The following PLPPR1 variants were observed in gnomAD, a reference collection of about 807,000 sequenced individuals.
PLPPR1 encodes the protein phospholipid phosphatase-related protein type 1.
PLPPR1 carries 10 observed loss-of-function variants against 33.1 expected under a neutral mutation model. That is an observed-to-expected ratio of 0.30 (90% CI 0.19 to 0.51). The LOEUF is 0.51. PLPPR1 is among the 20% of genes least tolerant of loss of function. PLPPR1 has a pLI of 0.97. For synonymous variants in PLPPR1, 151 were observed against 151.0 expected (o/e 1.00, Z 0.00); for missense variants, 304 against 408.1 (o/e 0.74, Z 2.20).
chr9:101,087,308 A>AAATT (rs1830691051), intron 1 of PLPPR1, among the ~76,000 whole-genome samples: 1 of 152,222 alleles, frequency 6.6e-6, no homozygotes, highest in African/African-American at 2.4e-5. Flanking sequence ...TTAAGAAAGG[A>AAATT]AATTTTTAAT....
chr9:101,075,105 A>T (rs897554302), intron 1 of PLPPR1, among the ~76,000 whole-genome samples: 1 of 152,194 alleles, frequency 6.6e-6, no homozygotes, highest in African/African-American at 2.4e-5. Context: ...AAATTCTTAA[A>T]TAATCCAGTG....
At chr9:101,314,688 T>G (rs537649628) in intron 6 of PLPPR1, among the ~76,000 whole-genome samples, 13 of 151,530 alleles carry the variant, frequency 8.6e-5, no homozygotes, top group African/African-American at 2.9e-4. Context: ...AAAGTGAGCA[T>G]GTGCTGTTGA....
chr9:101,264,029 G>T (rs1298019504), intron 2 of PLPPR1, among the ~76,000 whole-genome samples: 2 of 152,036 alleles, frequency 1.3e-5, no homozygotes, highest in Non-Finnish European at 2.9e-5. Flanking sequence ...AGGTCTCATG[G>T]GGGCTGTCAA....
chr9:101,191,398 T>G (rs1006191008), intron 2 of PLPPR1, among the ~76,000 whole-genome samples: 4 of 152,164 alleles, frequency 2.6e-5, no homozygotes, highest in African/African-American at 9.7e-5. Flanking sequence ...TGATTTTCAT[T>G]CTTAGTCCTT....
At chr9:101,123,808 A>G (rs773306217) in intron 1 of PLPPR1, among the ~76,000 whole-genome samples, 3 of 152,146 alleles carry the variant, frequency 2.0e-5, no homozygotes, top group Non-Finnish European at 4.4e-5. Context: ...CCTGGATTCT[A>G]TCCAAGTCAC....
chr9:101,034,797 G>T (rs903311584), intron 1 of PLPPR1, among the ~76,000 whole-genome samples: 5 of 151,516 alleles, frequency 3.3e-5, no homozygotes, highest in Non-Finnish European at 5.9e-5. Flanking sequence ...GTGTGCTTTT[G>T]CATTCATTAA....
At chr9:101,281,471 A>G (rs1828303194) in intron 3 of PLPPR1, among the ~76,000 whole-genome samples, 1 of 152,114 alleles carries the variant, frequency 6.6e-6, no homozygotes, top group South Asian at 2.1e-4. Context: ...TGAGCAAAAA[A>G]CAAAACTGGA....
Position 101,219,067 on chromosome 9 carries a change from T to C in PLPPR1, c.63+33510T>C, listed in dbSNP as rs982035462. Among the ~76,000 whole-genome samples, 4 of 152,176 alleles carry C rather than the reference T, an allele frequency of 2.6e-5. No homozygotes were observed. The South Asian group carries it at 8.3e-4, about 32-fold the overall frequency. On this transcript the variant is annotated intron_variant, in intron 2 of 7. Coordinates refer to ENST00000374874, the MANE Select transcript of PLPPR1 (RefSeq NM_207299.2). Reference sequence around the variant, plus strand: ...GATAGTTTTTAAACCGGCCATGTCATGAACACGCTCCTCCATCCGGCTTCT... The same window carrying C: ...GATAGTTTTTAAACCGGCCATGTCACGAACACGCTCCTCCATCCGGCTTCT...
intron 1 of PLPPR1, among the ~76,000 whole-genome samples, chr9:101,162,810 G>A (rs1270189407): frequency 2.0e-5 from 3 of 152,116 alleles, no homozygotes; most frequent in Admixed American, 1.3e-4. Context: ...CTGTGCTGTG[G>A]GGAATGCAGT....
At chr9:101,305,261 AAAAG>A (rs1828837442) in intron 4 of PLPPR1, among the ~76,000 whole-genome samples, 3 of 152,052 alleles carry the variant, frequency 2.0e-5, no homozygotes, top group East Asian at 1.9e-4. Context: ...GTGTGTGAGA[AAAAG>A]AGAGAGATTA....
chr9:101,314,538 G>A (rs1007398404), intron 6 of PLPPR1, among the ~76,000 whole-genome samples: 2 of 151,754 alleles, frequency 1.3e-5, no homozygotes, highest in Non-Finnish European at 2.9e-5. Context: ...TGGTTTCCCA[G>A]TGCATATAAA....
At chr9:101,039,776 T>C (rs1285737892) in intron 1 of PLPPR1, among the ~76,000 whole-genome samples, 1 of 151,992 alleles carries the variant, frequency 6.6e-6, no homozygotes, top group Non-Finnish European at 1.5e-5. Context: ...GTGAGACTCA[T>C]TAACTATCGT....
At chr9:101,200,533 T>C (rs2118746623) in intron 2 of PLPPR1, among the ~76,000 whole-genome samples, 1 of 152,354 alleles carries the variant, frequency 6.6e-6, no homozygotes, top group Non-Finnish European at 1.5e-5. Flanking sequence ...GCTAAAACAA[T>C]TTTTAAAGAG....
At chr9:101,260,824 A>C (rs976500138) in intron 2 of PLPPR1, among the ~76,000 whole-genome samples, 2 of 152,176 alleles carry the variant, frequency 1.3e-5, no homozygotes, top group African/African-American at 4.8e-5. Flanking sequence ...AAAATGACAA[A>C]GGGGTTAAAG....
At chr9:101,110,560 G>A (rs1036973166) in intron 1 of PLPPR1, among the ~76,000 whole-genome samples, 1 of 152,126 alleles carries the variant, frequency 6.6e-6, no homozygotes, top group African/African-American at 2.4e-5. Context: ...ATTGTGGACT[G>A]TTTTTATGAG....
chr9:101,186,274 C>T (rs1826201651), intron 2 of PLPPR1, among the ~76,000 whole-genome samples: 1 of 151,680 alleles, frequency 6.6e-6, no homozygotes. Flanking sequence ...TGTTGATTTG[C>T]CAGAGATGTT....
At chr9:101,309,576 C>T in intron 5 of PLPPR1, 115 bp downstream of exon 5, 2 of 1,172,854 alleles carry the variant, frequency 1.7e-6, no homozygotes, top group East Asian at 2.4e-5. Flanking sequence ...TTATGTATGG[C>T]ATATTTCTCT....
intron 1 of PLPPR1, among the ~76,000 whole-genome samples, chr9:101,112,302 A>G (rs1831066897): frequency 6.6e-6 from 1 of 152,216 alleles, no homozygotes. Context: ...GGTACTCCAC[A>G]TATAGAATTA....
intron 1 of PLPPR1, among the ~76,000 whole-genome samples, chr9:101,179,827 G>A (rs957091556): frequency 3.3e-5 from 5 of 151,818 alleles, no homozygotes; most frequent in Admixed American, 6.6e-5. Context: ...CAGTGGGCTG[G>A]GGAAGGCAAA....
Sources: allele counts gnomAD v4.1 joint callset (sites outside exome capture counted in the v4.1 genomes callset), GRCh38; gene constraint gnomAD v4.1.1; transcripts MANE v1.5; gene names NCBI Gene and HGNC (gene_info 2026-07-23, HGNC 2026-07-21).